KCNN3: variants seen among roughly 807,000 people sequenced by gnomAD.
KCNN3 encodes potassium calcium-activated channel subfamily N member 3, also known as small conductance calcium-activated potassium channel protein 3.
A neutral mutation model predicts 62.9 loss-of-function variants in KCNN3; 16 were observed. The ratio of observed to expected loss-of-function variants is 0.25; its 90% CI spans 0.17 to 0.39. The LOEUF (loss-of-function observed/expected upper bound fraction) is 0.39, where lower values mean the gene tolerates loss of function less well. Among genes scored for constraint, KCNN3 ranks in the 10% least tolerant of loss-of-function variants. KCNN3 has a pLI of 1.00. For missense variants in KCNN3, 599 were observed against 949.4 expected (o/e 0.63, Z 4.85); for synonymous variants, 370 against 389.2 (o/e 0.95, Z 0.58).
intron 2 of KCNN3, among the ~76,000 whole-genome samples, chr1:154,786,060 CCTT>C (rs1649268245): frequency 6.6e-6 from 1 of 152,204 alleles, no homozygotes; most frequent in Non-Finnish European, 1.5e-5. Flanking sequence ...GCCGAAACCT[CCTT>C]CTTGATCGTC....
intron 1 of KCNN3, among the ~76,000 whole-genome samples, chr1:154,861,174 C>T (rs1353616326): frequency 2.6e-5 from 4 of 152,094 alleles, no homozygotes; most frequent in Non-Finnish European, 4.4e-5. Flanking sequence ...AGGCTGGTCT[C>T]GAGCTCCTGA....
intron 2 of KCNN3, among the ~76,000 whole-genome samples, chr1:154,783,413 C>A (rs1357857858): frequency 6.6e-6 from 1 of 152,148 alleles, no homozygotes; most frequent in Non-Finnish European, 1.5e-5. Context: ...ACTAAGACCA[C>A]GGCTTTCATT....
intron 3 of KCNN3, among the ~76,000 whole-genome samples, chr1:154,754,157 G>C (rs1019882843): frequency 6.6e-6 from 1 of 152,170 alleles, no homozygotes; most frequent in Non-Finnish European, 1.5e-5. Flanking sequence ...TAAAAATATG[G>C]ACTTAATCTT....
intron 2 of KCNN3, among the ~76,000 whole-genome samples, chr1:154,777,820 A>G (rs1648855510): frequency 6.6e-6 from 1 of 152,206 alleles, no homozygotes. Flanking sequence ...TGGGCCCTCA[A>G]GTGGTCTGTT....
At chr1:154,779,078 T>C (rs1171862201) in intron 2 of KCNN3, among the ~76,000 whole-genome samples, 1 of 152,052 alleles carries the variant, frequency 6.6e-6, no homozygotes, top group East Asian at 1.9e-4. Context: ...CAGTACCAGC[T>C]GCCAGCCATC....
At chr1:154,732,583 A>T (rs1700619583) in intron 4 of KCNN3, among the ~76,000 whole-genome samples, 1 of 152,204 alleles carries the variant, frequency 6.6e-6, no homozygotes, top group African/African-American at 2.4e-5. Flanking sequence ...TTCCAGCTAA[A>T]CATGATCAGA....
At chr1:154,791,629 A>G (rs1649522534) in intron 2 of KCNN3, among the ~76,000 whole-genome samples, 1 of 152,208 alleles carries the variant, frequency 6.6e-6, no homozygotes, top group African/African-American at 2.4e-5. Flanking sequence ...CATTCCTCAA[A>G]GGAACCTCGA....
intron 3 of KCNN3, among the ~76,000 whole-genome samples, chr1:154,766,789 CCT>C (rs1305686367): frequency 6.6e-6 from 1 of 151,666 alleles, no homozygotes; most frequent in Non-Finnish European, 1.5e-5. Flanking sequence ...ACGCCATTCT[CCT>C]GTCCCAGCCT....
At chr1:154,780,194 C>CTTTTTTTTTTTTTTT (rs71077969) in intron 2 of KCNN3, among the ~76,000 whole-genome samples, 70 of 101,934 alleles carry the variant, frequency 6.9e-4, no homozygotes, top group Non-Finnish European at 7.8e-4. Context: ...TTCTTTTTTT[C>CTTTTTTTTTTTTTTT]TTTTTTTTTT....
intron 1 of KCNN3, among the ~76,000 whole-genome samples, chr1:154,826,104 A>C (rs57976252): frequency 0.041 from 6,071 of 148,026 alleles, 675 homozygotes; most frequent in African/African-American, 0.15. Flanking sequence ...ACCAAAAAAC[A>C]CTTCTGCAGA....
chr1:154,854,932 A>C (rs1256829704), intron 1 of KCNN3, among the ~76,000 whole-genome samples: 1 of 152,156 alleles, frequency 6.6e-6, no homozygotes, highest in Non-Finnish European at 1.5e-5. Flanking sequence ...AAAGTGAAAA[A>C]TTTGGCCAAG....
At chr1:154,810,073 A>G (rs1430998604) in intron 2 of KCNN3, among the ~76,000 whole-genome samples, 2 of 152,190 alleles carry the variant, frequency 1.3e-5, no homozygotes, top group Non-Finnish European at 2.9e-5. Context: ...TGATTATGGC[A>G]GGGAAGTGGG....
rs1257037841 is a variant in KCNN3, at chr1:154,809,498, TCTC to T, written c.1029+12588_1029+12590del. ...AAATCCTTGAAGTTTCTTCTTTACT[TCTC>T]CTGTCTTTAGTCCAACCAAAGAAAG... On this transcript the variant is annotated intron_variant, in intron 2 of 7. Transcript: ENST00000271915. The surrounding 1 kb of genome is among the most constrained non-coding windows in gnomAD (Gnocchi z 4.3). 5.3e-5 allele frequency among the ~76,000 whole-genome samples: 8 copies of T among 152,214 alleles called. No homozygotes were observed. Among genetic ancestry groups the T allele is most frequent in the Admixed American group, 2.0e-4 (3 of 15,284 alleles).
intron 1 of KCNN3, among the ~76,000 whole-genome samples, chr1:154,833,207 C>T (rs1651443340): frequency 6.6e-6 from 1 of 152,216 alleles, no homozygotes; most frequent in African/African-American, 2.4e-5. Context: ...CCACCTGATG[C>T]TCAGAGGCAA....
chr1:154,836,630 C>A (rs1370770247), intron 1 of KCNN3, among the ~76,000 whole-genome samples: 4 of 152,242 alleles, frequency 2.6e-5, no homozygotes, highest in Non-Finnish European at 5.9e-5. Context: ...TTTCTTCCAT[C>A]CCTCTTTCTT....
At chr1:154,864,402 G>T (rs1235869608) in intron 1 of KCNN3, among the ~76,000 whole-genome samples, 1 of 152,250 alleles carries the variant, frequency 6.6e-6, no homozygotes, top group African/African-American at 2.4e-5. Flanking sequence ...CTGCCCTTCT[G>T]CAGACAAGGC....
chr1:154,749,321 T>G (rs895985910), intron 3 of KCNN3, among the ~76,000 whole-genome samples: 3 of 152,226 alleles, frequency 2.0e-5, no homozygotes, highest in African/African-American at 7.2e-5. Flanking sequence ...CTTGCTCTTC[T>G]CAGTTATGCT....
chr1:154,867,770 C>T (rs1000898803), intron 1 of KCNN3, among the ~76,000 whole-genome samples: 1 of 85,696 alleles, frequency 1.2e-5, no homozygotes, highest in Admixed American at 1.8e-4. Flanking sequence ...AATAGAAAAA[C>T]CCAAGCAACA....
intron 2 of KCNN3, among the ~76,000 whole-genome samples, chr1:154,795,576 C>A (rs1046603250): frequency 6.6e-6 from 1 of 152,296 alleles, no homozygotes; most frequent in South Asian, 2.1e-4. Context: ...CAAAGAGGCA[C>A]GGGCCTGGAC....
Sources: gnomAD v4.1 joint callset for allele counts (sites outside exome capture counted in the v4.1 genomes callset) on GRCh38, gnomAD v4.1.1 for gene constraint, Gnocchi (gnomAD v3.1) non-coding constraint, MANE v1.5 for transcripts, NCBI Gene and HGNC (gene_info 2026-07-23, HGNC 2026-07-21) for gene names.